Variants in ARMC9 observed in about 807,000 individuals in gnomAD.
ARMC9 encodes the protein lisH domain-containing protein ARMC9.
A neutral mutation model predicts 107.0 loss-of-function variants in ARMC9; 94 were observed. The observed-to-expected ratio is 0.88, with a 90% CI of 0.74 to 1.04. The LOEUF (loss-of-function observed/expected upper bound fraction) is 1.04, where lower values mean the gene tolerates loss of function less well. ARMC9 is among the 50% of genes least tolerant of loss of function. The pLI, the probability that ARMC9 is intolerant of heterozygous loss-of-function variation, is 0.00. For synonymous variants in ARMC9, 380 were observed against 396.9 expected (o/e 0.96, Z 0.51); for missense variants, 942 against 1,030.1 (o/e 0.91, Z 1.17).
intron 9 of ARMC9, among the ~76,000 whole-genome samples, chr2:231,241,818 G>A (rs2036326551): frequency 1.3e-5 from 2 of 152,166 alleles, no homozygotes; most frequent in Non-Finnish European, 2.9e-5. Context: ...TGCATATGCT[G>A]TGAGCTGCCT....
At chr2:231,331,636 G>T (rs2043743430) in intron 19 of ARMC9, among the ~76,000 whole-genome samples, 157 bp from the exon 20 acceptor site, 1 of 152,204 alleles carries the variant, frequency 6.6e-6, no homozygotes, top group African/African-American at 2.4e-5. Context: ...GGGAGCAGAG[G>T]CAGACTGCCC....
intron 7 of ARMC9, among the ~76,000 whole-genome samples, chr2:231,232,182 C>A (rs753773066): frequency 6.6e-6 from 1 of 151,402 alleles, no homozygotes; most frequent in Non-Finnish European, 1.5e-5. Context: ...TGCGCCACCA[C>A]GCCCGGCTAA....
intron 17 of ARMC9, 83 bp from the exon 18 acceptor site, chr2:231,291,270 G>C: frequency 9.3e-7 from 1 of 1,078,468 alleles, no homozygotes; most frequent in Non-Finnish European, 1.4e-6. Flanking sequence ...ATTATTTTTT[G>C]GATTAGATGA....
intron 17 of ARMC9, among the ~76,000 whole-genome samples, chr2:231,290,669 C>G (rs926487504): frequency 6.6e-6 from 1 of 152,090 alleles, no homozygotes; most frequent in African/African-American, 2.4e-5. Flanking sequence ...ATTCTTTTAC[C>G]CAATATTGAA....
intron 5 of ARMC9, among the ~76,000 whole-genome samples, chr2:231,222,034 G>A (rs531124353): frequency 3.3e-5 from 5 of 152,154 alleles, no homozygotes; most frequent in African/African-American, 1.2e-4. Context: ...TGAATTTTTA[G>A]TGGCTTCGCT....
At chr2:231,311,245 C>G (rs1458329423) in intron 19 of ARMC9, among the ~76,000 whole-genome samples, 1 of 152,186 alleles carries the variant, frequency 6.6e-6, no homozygotes, top group East Asian at 1.9e-4. Context: ...CGGCTGTGTG[C>G]TACTTTCTGG....
chr2:231,332,710 G>A (rs530608932), intron 20 of ARMC9, among the ~76,000 whole-genome samples: 2 of 152,204 alleles, frequency 1.3e-5, no homozygotes, highest in Admixed American at 6.5e-5. Flanking sequence ...AGGTAGGGGG[G>A]CCTGGTGGGA....
chr2:231,288,608 G>C (rs960801608), intron 17 of ARMC9: 3 of 471,064 alleles, frequency 6.4e-6, no homozygotes, highest in Non-Finnish European at 1.3e-5. Flanking sequence ...AGTGTTCAGT[G>C]CGTGTTGTCA....
intron 7 of ARMC9, among the ~76,000 whole-genome samples, chr2:231,228,305 T>C (rs2034854826): frequency 6.6e-6 from 1 of 152,208 alleles, no homozygotes; most frequent in Non-Finnish European, 1.5e-5. Context: ...GCCTGCATGG[T>C]CTGGGAGCTG....
chr2:231,272,564 T>C (rs1269449599), intron 13 of ARMC9, among the ~76,000 whole-genome samples: 1 of 151,482 alleles, frequency 6.6e-6, no homozygotes, highest in Non-Finnish European at 1.5e-5. Flanking sequence ...TCATTCAGGC[T>C]AGAGTGTGGT....
intron 12 of ARMC9, 103 bp downstream of exon 12, chr2:231,262,501 CGTAACT>C: frequency 8.8e-7 from 1 of 1,137,118 alleles, no homozygotes. Flanking sequence ...TTTTCAGCTT[CGTAACT>C]GTATGTCAGC....
intron 1 of ARMC9, among the ~76,000 whole-genome samples, chr2:231,201,364 A>C (rs904991027): frequency 2.0e-5 from 3 of 151,834 alleles, no homozygotes; most frequent in African/African-American, 7.3e-5. Flanking sequence ...GTTCCCTTGG[A>C]GCCTCCAGCA....
At chr2:231,370,425 T>G in intron 24 of ARMC9, 32 of 284,898 alleles carry the variant, frequency 1.1e-4, no homozygotes, top group East Asian at 1.9e-4. Context: ...CCCTCCCCAC[T>G]TCCCTCTGTG....
chr2:231,207,673 A>G (rs2032224822), intron 2 of ARMC9, among the ~76,000 whole-genome samples: 1 of 151,058 alleles, frequency 6.6e-6, no homozygotes, highest in Non-Finnish European at 1.5e-5. Context: ...ACGGGGTTTC[A>G]CCTTGCTGGC....
chr2:231,270,730 G>A (rs991684675), intron 12 of ARMC9: 25 of 623,524 alleles, frequency 4.0e-5, no homozygotes, highest in African/African-American at 3.1e-4. Context: ...CTTCCCTCGC[G>A]CCAGTCACTG....
At chr2:231,296,812 A>G (rs1005576931) in intron 19 of ARMC9, among the ~76,000 whole-genome samples, 3 of 152,200 alleles carry the variant, frequency 2.0e-5, no homozygotes, top group Non-Finnish European at 4.4e-5. Flanking sequence ...GATGTAAAGA[A>G]TGGTGACTCA....
At chr2:231,261,927 A>G (rs2038394611) in intron 11 of ARMC9, among the ~76,000 whole-genome samples, 1 of 150,840 alleles carries the variant, frequency 6.6e-6, no homozygotes, top group Admixed American at 6.6e-5. Context: ...GGTTCACGCC[A>G]TTCTCCTGCC....
chr2:231,235,133 G>T, intron 7 of ARMC9, 91 bp from the exon 8 acceptor site: 1 of 1,351,392 alleles, frequency 7.4e-7, no homozygotes, highest in South Asian at 1.5e-5. Context: ...AAACATTCTG[G>T]CAATAAGTAT....
chr2:231,226,787 A>G lies in ARMC9; in HGVS notation c.611A>G (p.Gln204Arg), dbSNP rs2034687580. ...TTTTCATCCCAGAAGGAGAATGGACAAAGTAACAAAGGTAAATCATCTAGA... is the reference window on the plus strand; with the variant it reads ...TTTTCATCCCAGAAGGAGAATGGACGAAGTAACAAAGGTAAATCATCTAGA... ...KLLTIYKENGQSNKEILQQLH... is the reference protein window; with the variant it reads ...KLLTIYKENGRSNKEILQQLH... The change falls in exon 7 of 25, where the codon CAA (glutamine) becomes CGA (arginine). Residue 204 changes from glutamine to arginine, a missense_variant. Gln to Arg is a conservative substitution (Grantham distance 43). Transcript: ENST00000611582. 6.2e-7 allele frequency: 1 copy of G among 1,613,668 alleles called. No individual in the cohort carries two copies. Among genetic ancestry groups the G allele is most frequent in the Non-Finnish European group, 8.5e-7 (1 of 1,179,704 alleles).
Sources: allele counts gnomAD v4.1 joint callset (sites outside exome capture counted in the v4.1 genomes callset), GRCh38; gene constraint gnomAD v4.1.1; transcripts MANE v1.5; gene names NCBI Gene and HGNC (gene_info 2026-07-23, HGNC 2026-07-21).